Variants in SND1 observed in about 807,000 individuals in gnomAD.
SND1 encodes staphylococcal nuclease and tudor domain containing 1, also known as staphylococcal nuclease domain-containing protein 1.
SND1 carries 38 observed loss-of-function variants against 121.7 expected under a neutral mutation model. The observed-to-expected ratio is 0.31, with a 90% CI of 0.24 to 0.41. SND1 has a LOEUF of 0.41. Ranked by LOEUF, SND1 falls within the 10% of genes least tolerant of loss-of-function variation. The pLI, the probability that SND1 is intolerant of heterozygous loss-of-function variation, is 1.00. For synonymous variants in SND1, 401 were observed against 447.4 expected (o/e 0.90, Z 1.31); for missense variants, 868 against 1,184.6 (o/e 0.73, Z 3.92).
At chr7:127,889,438 A>T (rs1426550793) in intron 13 of SND1, among the ~76,000 whole-genome samples, 1 of 152,072 alleles carries the variant, frequency 6.6e-6, no homozygotes, top group Non-Finnish European at 1.5e-5. Context: ...GTTTTGATAC[A>T]GGCATGCAAT....
chr7:128,065,656 T>C (rs1439425130), intron 16 of SND1, among the ~76,000 whole-genome samples: 1 of 152,196 alleles, frequency 6.6e-6, no homozygotes, highest in East Asian at 1.9e-4. Flanking sequence ...AGGGCTTGGG[T>C]ACAGCTCTAA....
intron 15 of SND1, among the ~76,000 whole-genome samples, chr7:127,988,147 G>GA (rs1802437284): frequency 6.6e-6 from 1 of 152,118 alleles, no homozygotes; most frequent in Admixed American, 6.6e-5. Context: ...TAAAAAGTTT[G>GA]AAAAACGCCC....
At chr7:127,704,731 C>A in intron 7 of SND1, 108 bp from the exon 8 acceptor site, 1 of 903,406 alleles carries the variant, frequency 1.1e-6, no homozygotes, top group Non-Finnish European at 1.8e-6. Flanking sequence ...AACAAACAAA[C>A]TGCAGACTAG....
intron 12 of SND1, among the ~76,000 whole-genome samples, chr7:127,852,158 TC>T: frequency 7.5e-6 from 1 of 132,496 alleles, no homozygotes; most frequent in Admixed American, 7.6e-5. Flanking sequence ...AGACTCAGTC[TC>T]CAAAAAAATA....
intron 10 of SND1, among the ~76,000 whole-genome samples, chr7:127,759,206 A>G (rs1383379339): frequency 6.6e-6 from 1 of 152,224 alleles, no homozygotes; most frequent in Admixed American, 6.5e-5. Context: ...ATGTGACTTA[A>G]GATGGTGTCT....
rs1793473427 is a variant in SND1, at chr7:128,074,553, C to T, written c.1831C>T (p.Leu611=). 6.2e-7 allele frequency: 1 copy of T among 1,612,940 alleles called. No homozygotes were observed. The highest frequency in any genetic ancestry group is 8.5e-7 in the Non-Finnish European group (1 of 1,179,772). Residue 611 remains leucine, a synonymous_variant, in exon 17 of 24, where the codon CTG becomes TTG. Coordinates refer to ENST00000354725, the MANE Select transcript of SND1 (RefSeq NM_014390.4). ...MDKAGNFIGW[L]HIDGANLSVL... The stretch of plus-strand genomic sequence containing the variant: ...CAAGGCCGGCAACTTTATCGGCTGG[C>T]TGCACATCGACGGTGCCAACCTGTC...
chr7:127,920,085 C>T (rs1420586227), intron 14 of SND1, among the ~76,000 whole-genome samples: 1 of 152,050 alleles, frequency 6.6e-6, no homozygotes, highest in East Asian at 1.9e-4. Context: ...TCAGTTATTT[C>T]AAAAATATAG....
intron 16 of SND1, among the ~76,000 whole-genome samples, chr7:128,006,401 TCCTCCCCCCA>T (rs1313932221): frequency 6.6e-6 from 1 of 152,124 alleles, no homozygotes; most frequent in African/African-American, 2.4e-5. Flanking sequence ...TAATGGGGTA[TCCTCCCCCCA>T]CCTCCCAAAT....
At chr7:128,009,711 A>T (rs1200058888) in intron 16 of SND1, among the ~76,000 whole-genome samples, 1 of 151,896 alleles carries the variant, frequency 6.6e-6, no homozygotes, top group African/African-American at 2.4e-5. Context: ...TTAGGTTTGC[A>T]TTGTGTTCTT....
chr7:127,660,551 G>C (rs1465121014), intron 1 of SND1, among the ~76,000 whole-genome samples: 2 of 152,160 alleles, frequency 1.3e-5, no homozygotes, highest in Admixed American at 6.5e-5. Context: ...TGGACTAGAA[G>C]TGTTTCAGTT....
At chr7:127,864,848 G>A (rs1799440562) in intron 12 of SND1, among the ~76,000 whole-genome samples, 1 of 151,962 alleles carries the variant, frequency 6.6e-6, no homozygotes, top group South Asian at 2.1e-4. Context: ...CTTCTCATTG[G>A]CAAAGCACCT....
chr7:127,943,202 G>A (rs1023657947), intron 15 of SND1, among the ~76,000 whole-genome samples: 3 of 152,050 alleles, frequency 2.0e-5, no homozygotes, highest in Non-Finnish European at 4.4e-5. Flanking sequence ...ATTAATCATT[G>A]TAATAATTTC....
At chr7:128,017,607 G>A (rs532152344) in intron 16 of SND1, among the ~76,000 whole-genome samples, 6 of 152,164 alleles carry the variant, frequency 3.9e-5, no homozygotes, top group East Asian at 1.9e-4. Context: ...GCTACTCCCC[G>A]TGCCACACCT....
At chr7:127,776,537 A>C (rs533620235) in intron 10 of SND1, among the ~76,000 whole-genome samples, 11 of 152,362 alleles carry the variant, frequency 7.2e-5, no homozygotes, top group African/African-American at 1.7e-4. Context: ...AAACCCATAC[A>C]AAAGTCCTAA....
At chr7:128,013,085 C>G (rs1803150502) in intron 16 of SND1, among the ~76,000 whole-genome samples, 1 of 152,186 alleles carries the variant, frequency 6.6e-6, no homozygotes, top group Non-Finnish European at 1.5e-5. Context: ...TGGTCCCACA[C>G]TGTCCAGTGC....
At chr7:127,756,935 A>G (rs1253485995) in intron 10 of SND1, among the ~76,000 whole-genome samples, 1 of 152,186 alleles carries the variant, frequency 6.6e-6, no homozygotes, top group African/African-American at 2.4e-5. Flanking sequence ...ATACTTTTTA[A>G]ATTGAGGTCA....
At chr7:128,019,374 G>C (rs1368639321) in intron 16 of SND1, among the ~76,000 whole-genome samples, 2 of 152,206 alleles carry the variant, frequency 1.3e-5, no homozygotes, top group African/African-American at 2.4e-5. Flanking sequence ...GCACCTCTGA[G>C]AGAAAGGGAA....
chr7:127,932,717 C>G (rs1339216052), intron 15 of SND1, among the ~76,000 whole-genome samples: 2 of 152,196 alleles, frequency 1.3e-5, no homozygotes, highest in African/African-American at 4.8e-5. Context: ...CCACCCTGAT[C>G]AGTCAGCAGC....
In SND1 at chr7:127,822,437, T is replaced by C. The variant is rs148271865; in HGVS notation, c.1242+14864T>C. On this transcript the variant is annotated intron_variant, in intron 11 of 23. Coordinates refer to ENST00000354725, the MANE Select transcript of SND1 (RefSeq NM_014390.4). Reference sequence around the variant, plus strand: ...GTTTTCTCTATGGCCATAATTTTCCTACTTGAAAATGCAACTGTGAATTCT... The same window carrying C: ...GTTTTCTCTATGGCCATAATTTTCCCACTTGAAAATGCAACTGTGAATTCT... Among the ~76,000 whole-genome samples, 13 of 152,360 alleles carry C rather than the reference T, an allele frequency of 8.5e-5. No homozygotes were observed. In the East Asian group the frequency reaches 2.1e-3, roughly 25 times the overall value.
Sources: allele counts gnomAD v4.1 joint callset (sites outside exome capture counted in the v4.1 genomes callset), GRCh38; gene constraint gnomAD v4.1.1; transcripts MANE v1.5; gene names NCBI Gene and HGNC (gene_info 2026-07-23, HGNC 2026-07-21).